ANKRD30B: variants seen among roughly 807,000 people sequenced by gnomAD.
ANKRD30B encodes ankyrin repeat domain-containing protein 30B.
In ANKRD30B, 144 loss-of-function variants were observed where a neutral mutation model predicts 202.2. The observed-to-expected ratio is 0.71, with a 90% CI of 0.62 to 0.82. ANKRD30B has a LOEUF of 0.82. Ranked by LOEUF, ANKRD30B falls within the 40% of genes least tolerant of loss-of-function variation. The pLI, the probability that ANKRD30B is intolerant of heterozygous loss-of-function variation, is 0.00. For missense variants in ANKRD30B, 1,487 were observed against 1,669.1 expected, an observed-to-expected ratio of 0.89 and a Z score of 1.90; for synonymous variants, 508 against 561.3, an observed-to-expected ratio of 0.91 and a Z score of 1.34.
chr18:14,858,757 AGGGGG>A (rs1424915032), downstream of ANKRD30B, among the ~76,000 whole-genome samples: 1 of 143,312 alleles, frequency 7.0e-6, no homozygotes, highest in Non-Finnish European at 1.6e-5. Context: ...CTCACCTCCC[AGGGGG>A]GGCAGCCAGG....
At position 14,791,271 on chromosome 18, in the gene ANKRD30B, T is replaced by C. The variant is rs73429604; in HGVS notation, c.1735-130T>C. On this transcript the variant is annotated intron_variant, in intron 15 of 43. Coordinates refer to ENST00000690538, the MANE Select transcript of ANKRD30B (RefSeq NM_001367607.2). ...AATGTTTTGATTTTCTATACGTGTGTACTCTTAAGTCGAATTGTTTGCAAA... is the reference window on the plus strand; with the variant it reads ...AATGTTTTGATTTTCTATACGTGTGCACTCTTAAGTCGAATTGTTTGCAAA... 3,050 of 695,888 alleles carry C rather than the reference T, an allele frequency of 4.4e-3. 83 individuals carry two copies. In the African/African-American group the frequency reaches 0.051, roughly 12 times the overall value. 43.1% of individuals were successfully genotyped at this position (695,888 alleles called of 1,614,324 possible).
At chr18:14,826,460 A>G (rs1025407887) in intron 32 of ANKRD30B, among the ~76,000 whole-genome samples, 24 of 152,160 alleles carry the variant, frequency 1.6e-4, no homozygotes, top group African/African-American at 5.6e-4. Flanking sequence ...TCTGGAGTCC[A>G]AGAGGAAATC....
chr18:14,882,269 G>A, the ANKRD30B span, among the ~76,000 whole-genome samples: 2 of 152,156 alleles, frequency 1.3e-5, no homozygotes, highest in East Asian at 3.9e-4. Flanking sequence ...TTTCCTCTTA[G>A]CACTGCCTTT....
At chr18:14,780,048 TCTC>T in intron 11 of ANKRD30B, 27 bp downstream of exon 11, 1 of 1,552,626 alleles carries the variant, frequency 6.4e-7, no homozygotes, top group Non-Finnish European at 8.8e-7. Flanking sequence ...CTGTTATTAT[TCTC>T]TAAAAATATT....
intron 15 of ANKRD30B, among the ~76,000 whole-genome samples, chr18:14,788,438 C>G (rs1251923429): frequency 1.3e-5 from 2 of 152,072 alleles, no homozygotes; most frequent in Non-Finnish European, 2.9e-5. Flanking sequence ...TACATGTGCA[C>G]AATGTGCAGT....
At chr18:14,757,453 G>A (rs1035415330) in intron 4 of ANKRD30B, among the ~76,000 whole-genome samples, 7 of 152,124 alleles carry the variant, frequency 4.6e-5, no homozygotes, top group African/African-American at 1.7e-4. Context: ...ATTGTTTTAA[G>A]CCTTCAGATT....
At chr18:14,754,109 T>C (rs1197658474) in intron 3 of ANKRD30B, among the ~76,000 whole-genome samples, 3 of 152,152 alleles carry the variant, frequency 2.0e-5, no homozygotes, top group African/African-American at 7.2e-5. Flanking sequence ...ATGGACCATT[T>C]AATAATAAGC....
In ANKRD30B at chr18:14,805,806, C is replaced by T. The variant is rs552705040; in HGVS notation, c.2284+1982C>T. Among the ~76,000 whole-genome samples, 4 of 150,044 alleles carry T rather than the reference C, an allele frequency of 2.7e-5. 1 individual carries two copies. Among genetic ancestry groups the T allele is most frequent in the East Asian group, 3.9e-4 (2 of 5,176 alleles). ...GATCACTTATCTCCTCATCACTCAGCGTATACATATTGGCATTAACATTTT... is the reference window on the plus strand; with the variant it reads ...GATCACTTATCTCCTCATCACTCAGTGTATACATATTGGCATTAACATTTT... On this transcript the variant is annotated intron_variant, in intron 24 of 43. Transcript: ENST00000690538.
intron 15 of ANKRD30B, among the ~76,000 whole-genome samples, chr18:14,790,578 T>C (rs878968925): frequency 6.6e-6 from 1 of 152,284 alleles, no homozygotes; most frequent in African/African-American, 2.4e-5. Flanking sequence ...ATACCTAATT[T>C]ATTGAGAGTT....
At chr18:14,843,855 A>G (rs1971526429) in intron 39 of ANKRD30B, among the ~76,000 whole-genome samples, 2 of 152,130 alleles carry the variant, frequency 1.3e-5, no homozygotes, top group South Asian at 2.1e-4. Context: ...TCATTTCTTT[A>G]TGATCATTTT....
the ANKRD30B span, among the ~76,000 whole-genome samples, chr18:14,900,496 G>A: frequency 2.2e-4 from 34 of 152,006 alleles, no homozygotes; most frequent in East Asian, 6.4e-3. Context: ...AGCTTATGAC[G>A]GTATAATGTC....
At chr18:14,800,152 A>C (rs1969218785) in intron 22 of ANKRD30B, among the ~76,000 whole-genome samples, 1 of 151,262 alleles carries the variant, frequency 6.6e-6, no homozygotes, top group Non-Finnish European at 1.5e-5. Flanking sequence ...GAATTGCTTG[A>C]ACCCATGAGG....
rs773013313 is a variant in ANKRD30B at position 14,797,750 on chromosome 18, A to C, written c.1957-32A>C. ...TACATATTTTTGAAGTGTACATTAT[A>C]TATTAATTTTTGTGTTTCCGAACCC... On this transcript the variant is annotated intron_variant, in intron 19 of 43. Transcript: ENST00000690538. 14 of 1,596,022 alleles carry C rather than the reference A, an allele frequency of 8.8e-6. No individual in the cohort carries two copies. In the East Asian group the frequency reaches 1.8e-4, roughly 21 times the overall value.
intron 9 of ANKRD30B, among the ~76,000 whole-genome samples, chr18:14,775,406 A>G (rs1967295005): frequency 6.6e-6 from 1 of 152,226 alleles, no homozygotes; most frequent in Non-Finnish European, 1.5e-5. Context: ...CAAAAGCTCT[A>G]ATTGGATTCA....
At chr18:14,760,951 C>T (rs1915164045) in intron 6 of ANKRD30B, among the ~76,000 whole-genome samples, 1 of 151,804 alleles carries the variant, frequency 6.6e-6, no homozygotes, top group Non-Finnish European at 1.5e-5. Flanking sequence ...TGTTTGATTC[C>T]TCAATTGTCA....
chr18:14,924,854 C>T, the ANKRD30B span, among the ~76,000 whole-genome samples: 1 of 152,212 alleles, frequency 6.6e-6, no homozygotes, highest in South Asian at 2.1e-4. Flanking sequence ...TAGCTCAGTG[C>T]AGTGGTTAGG....
chr18:14,758,711 T>G lies in ANKRD30B; in HGVS notation c.755+759T>G, dbSNP rs369746765. ...TGAAACCCACATCTTAGCCCGGACT[T>G]GGCCTAGACCTTCATGATAAGTTAT... On this transcript the variant is annotated intron_variant, in intron 5 of 43. Coordinates refer to ENST00000690538, the MANE Select transcript of ANKRD30B (RefSeq NM_001367607.2). Among the ~76,000 whole-genome samples, 16 of 152,352 alleles carry G rather than the reference T, an allele frequency of 1.1e-4. No individual in the cohort carries two copies. In the East Asian group the frequency reaches 3.1e-3, roughly 29 times the overall value.
chr18:14,935,648 G>A, the ANKRD30B span, among the ~76,000 whole-genome samples: 6 of 152,322 alleles, frequency 3.9e-5, no homozygotes, highest in African/African-American at 1.2e-4. Flanking sequence ...GTGTCTCTGG[G>A]TATGGTATGT....
At chr18:14,776,719 C>G (rs1015957509) in intron 9 of ANKRD30B, among the ~76,000 whole-genome samples, 1 of 152,174 alleles carries the variant, frequency 6.6e-6, no homozygotes, top group Non-Finnish European at 1.5e-5. Flanking sequence ...GCTTGCTCTA[C>G]TTTTCTGAAG....
Sources: allele counts gnomAD v4.1 joint callset (sites outside exome capture counted in the v4.1 genomes callset), GRCh38; gene constraint gnomAD v4.1.1; transcripts MANE v1.5; gene names NCBI Gene and HGNC (gene_info 2026-07-23, HGNC 2026-07-21).